UEVLD: variants seen among roughly 807,000 people sequenced by gnomAD.
UEVLD encodes UEV and lactate/malate dehyrogenase domains, also known as ubiquitin-conjugating enzyme E2 variant 3.
UEVLD carries 47 observed loss-of-function variants against 58.6 expected under a neutral mutation model. That is an observed-to-expected ratio of 0.80 (90% confidence interval 0.63 to 1.02). The LOEUF (loss-of-function observed/expected upper bound fraction) is 1.02, where lower values mean the gene tolerates loss of function less well. Ranked by LOEUF, UEVLD falls within the 50% of genes least tolerant of loss-of-function variation. UEVLD has a pLI of 0.00. For missense variants in UEVLD, 510 were observed against 550.6 expected, an observed-to-expected ratio of 0.93 and a Z score of 0.74; for synonymous variants, 197 against 195.3, an observed-to-expected ratio of 1.01 and a Z score of -0.07.
rs1456560300 is a variant in UEVLD at position 18,578,728 on chromosome 11, G to C, written c.123C>G (p.Thr41=). 1 of 1,600,448 alleles carries C rather than the reference G, an allele frequency of 6.2e-7. No individual in the cohort carries two copies. The highest frequency in any genetic ancestry group is 8.5e-7 in the Non-Finnish European group (1 of 1,171,174). ...FFPHFKYSMD[T]YVFKDSSQKD... ...ACTAGAGGATATGATTCTTACCATA[G>C]GTGTCCATGGAATATTTGAAATGTG... is the stretch of plus-strand genomic sequence containing the variant. The change falls in exon 2 of 12, where the codon ACC becomes ACG. Residue 41 remains threonine (T), a synonymous_variant. Coordinates refer to ENST00000396197, the MANE Select transcript of UEVLD (RefSeq NM_001040697.4).
chr11:18,543,354 A>G (rs1327203024), intron 9 of UEVLD, among the ~76,000 whole-genome samples: 2 of 152,228 alleles, frequency 1.3e-5, no homozygotes, highest in Non-Finnish European at 2.9e-5. Context: ...AATTTCAATT[A>G]GATTTATCTC....
chr11:18,588,478 G>A (rs1040985535), intron 1 of UEVLD, 135 bp downstream of exon 1: 3 of 1,061,950 alleles, frequency 2.8e-6, no homozygotes, highest in Non-Finnish European at 2.6e-6. Flanking sequence ...CCCCATAGCC[G>A]GTTTCAGACC....
At chr11:18,550,690 C>T (rs1367041115) in intron 7 of UEVLD, among the ~76,000 whole-genome samples, 2 of 152,204 alleles carry the variant, frequency 1.3e-5, no homozygotes, top group East Asian at 3.9e-4. Context: ...TCACATAGTG[C>T]CTCCTCACTC....
At position 18,530,127 on chromosome 11, in the gene UEVLD, C is replaced by T. The variant is rs1234982205; in HGVS notation, c.*2193G>A. The T allele has an allele frequency of 6.6e-6, 1 of 152,118 alleles. No individual in the cohort carries two copies. Among genetic ancestry groups the T allele is most frequent in the African/African-American group, 2.4e-5 (1 of 41,412 alleles). The allele number at this position is 152,118 out of a possible 1,614,324, so 9.4% of individuals were successfully genotyped here. ...TGTTCAAAAGCATATTACATATTAT[C>T]TAACTTTAATTAGATATCAAATATT... On this transcript the variant is annotated 3_prime_UTR_variant, in exon 12 of 12. Transcript: ENST00000396197.
rs184400831 is a variant in UEVLD at position 18,557,232 on chromosome 11, A to C, written c.715+996T>G. ...CAGTGGCGCATCTCGGCTCACTGCA[A>C]ACTCCGCATCCCGGGTTCACACCAC... On this transcript the variant is annotated intron_variant, in intron 7 of 11. Transcript: ENST00000396197. Among the ~76,000 whole-genome samples, 186 of 151,874 alleles carry C rather than the reference A, an allele frequency of 1.2e-3. 1 individual carries two copies. Among genetic ancestry groups the C allele is most frequent in the African/African-American group, 4.4e-3 (182 of 41,402 alleles).
chr11:18,562,346 A>AGCCTG (rs1360055810), intron 6 of UEVLD, among the ~76,000 whole-genome samples: 2 of 152,090 alleles, frequency 1.3e-5, no homozygotes, highest in Non-Finnish European at 2.9e-5. Flanking sequence ...GCTCGAGACC[A>AGCCTG]GCCTGGCCAA....
chr11:18,530,024 T>G lies in UEVLD; in HGVS notation c.*2296A>C, dbSNP rs1441486109. The stretch of plus-strand genomic sequence containing the variant: ...CAGTAGGTGTTAAATAAACATTTGT[T>G]GTATTGACATGTTCCTTTTATAATT... On this transcript the variant is annotated 3_prime_UTR_variant, in exon 12 of 12. Transcript: ENST00000396197. 6.6e-6 allele frequency: 1 copy of G among 152,232 alleles called. No homozygotes were observed. Among genetic ancestry groups the G allele is most frequent in the Non-Finnish European group, 1.5e-5 (1 of 68,036 alleles). The allele number at this position is 152,232 out of a possible 1,614,324, so 9.4% of individuals were successfully genotyped here. A position where few individuals can be genotyped will look rare whatever the true frequency, so the allele number is the denominator to read the frequency against.
chr11:18,586,159 T>G (rs1431937426), intron 1 of UEVLD, among the ~76,000 whole-genome samples: 1 of 152,190 alleles, frequency 6.6e-6, no homozygotes, highest in African/African-American at 2.4e-5. Flanking sequence ...TGATCACTTC[T>G]CCATCGATTT....
chr11:18,549,866 G>T (rs185468412), intron 7 of UEVLD, among the ~76,000 whole-genome samples: 14 of 151,394 alleles, frequency 9.2e-5, no homozygotes, highest in Admixed American at 3.3e-4. Flanking sequence ...TTGTCGCCCA[G>T]GCTGTAGTGC....
rs551986131 is a variant in UEVLD at position 18,585,370 on chromosome 11, G to C, written c.42+3243C>G. 3.1e-4 allele frequency among the ~76,000 whole-genome samples: 47 copies of C among 152,142 alleles called. 1 individual carries two copies. The South Asian group carries it at 9.6e-3, about 31-fold the overall frequency. On this transcript the variant is annotated intron_variant, in intron 1 of 11. Transcript: ENST00000396197. ...TAATCCACTGGAAATTTTTATGTTT[G>C]GCGTAAGGCAGGGATACAAGGTACA...
chr11:18,544,163 A>G (rs540094896), intron 9 of UEVLD, among the ~76,000 whole-genome samples: 4 of 152,346 alleles, frequency 2.6e-5, no homozygotes, highest in Non-Finnish European at 4.4e-5. Flanking sequence ...AGAATGACAC[A>G]TATGAGGAAT....
chr11:18,568,765 T>C (rs1472984798), intron 4 of UEVLD, among the ~76,000 whole-genome samples: 2 of 152,200 alleles, frequency 1.3e-5, no homozygotes, highest in Non-Finnish European at 2.9e-5. Context: ...AAAATGCATC[T>C]ACAATTATAC....
chr11:18,577,871 C>CAAAAA (rs550091645), intron 2 of UEVLD, among the ~76,000 whole-genome samples: 3 of 66,744 alleles, frequency 4.5e-5, no homozygotes, highest in Admixed American at 1.5e-4. Flanking sequence ...GACTCCATCT[C>CAAAAA]AAAAAAAAAA....
intron 1 of UEVLD, 91 bp downstream of exon 1, chr11:18,588,522 G>A: frequency 2.0e-6 from 3 of 1,493,736 alleles, no homozygotes; most frequent in African/African-American, 1.4e-5. Context: ...CTACAAGCCG[G>A]GAAACGCAAA....
intron 2 of UEVLD, among the ~76,000 whole-genome samples, chr11:18,577,871 CAAA>C (rs550091645): frequency 1.5e-4 from 10 of 66,756 alleles, no homozygotes; most frequent in African/African-American, 4.0e-4. Flanking sequence ...GACTCCATCT[CAAA>C]AAAAAAAAAA....
At chr11:18,540,414 A>G (rs767342555) in intron 9 of UEVLD, among the ~76,000 whole-genome samples, 3 of 152,240 alleles carry the variant, frequency 2.0e-5, no homozygotes, top group Non-Finnish European at 2.9e-5. Context: ...ACATGAAACC[A>G]GCAGAGGGAG....
Position 18,534,195 on chromosome 11 carries a change from C to T in UEVLD, c.1248+135G>A, listed in dbSNP as rs73422533. ...CAGGATAGGGCTTAAACTAAACTGC[C>T]TTCTCCTACCTGTTACTCTAAAAGC... On this transcript the variant is annotated intron_variant, in intron 11 of 11. Coordinates refer to ENST00000396197, the MANE Select transcript of UEVLD (RefSeq NM_001040697.4). 2.2e-3 allele frequency: 1,389 copies of T among 627,640 alleles called. 14 individuals are homozygous for T. The African/African-American group carries it at 0.024, about 11-fold the overall frequency. 38.9% of individuals were successfully genotyped at this position (627,640 alleles called of 1,614,324 possible).
At chr11:18,555,457 G>A (rs991806063) in intron 7 of UEVLD, among the ~76,000 whole-genome samples, 2 of 151,568 alleles carry the variant, frequency 1.3e-5, no homozygotes, top group Non-Finnish European at 1.5e-5. Flanking sequence ...ATGTGGTGAC[G>A]CATGCCTGTG....
chr11:18,560,519 T>C (rs1438509768), intron 6 of UEVLD, among the ~76,000 whole-genome samples: 2 of 152,224 alleles, frequency 1.3e-5, no homozygotes, highest in Non-Finnish European at 2.9e-5. Context: ...AATTCATTTA[T>C]AGAAATCATC....
Sources: allele counts gnomAD v4.1 joint callset (sites outside exome capture counted in the v4.1 genomes callset), GRCh38; gene constraint gnomAD v4.1.1; transcripts MANE v1.5; gene names NCBI Gene and HGNC (gene_info 2026-07-23, HGNC 2026-07-21).